The following CEBPZ variants were observed in gnomAD, a reference collection of about 807,000 sequenced individuals.
The protein encoded by CEBPZ is CCAAT enhancer binding protein zeta, also known as CCAAT/enhancer-binding protein zeta.
In CEBPZ, 78 loss-of-function variants were observed where a neutral mutation model predicts 104.5. The ratio of observed to expected loss-of-function variants is 0.75; its 90% CI spans 0.62 to 0.90. The LOEUF (loss-of-function observed/expected upper bound fraction) is 0.90. Ranked by LOEUF, CEBPZ falls within the 40% of genes least tolerant of loss-of-function variation. CEBPZ has a pLI of 0.00. For synonymous variants in CEBPZ, 470 were observed against 427.0 expected, an observed-to-expected ratio of 1.10 and a Z score of -1.24; for missense variants, 1,439 against 1,233.5, an observed-to-expected ratio of 1.17 and a Z score of -2.50.
intron 6 of CEBPZ, 31 bp downstream of exon 6, chr2:37,216,953 T>A: frequency 6.4e-7 from 1 of 1,560,092 alleles, no homozygotes; most frequent in Non-Finnish European, 8.8e-7. Flanking sequence ...TTTTTTCTTA[T>A]TTCTCATCTT....
chr2:37,231,332 G>T, intron 1 of CEBPZ, 80 bp downstream of exon 1: 1 of 1,597,820 alleles, frequency 6.3e-7, no homozygotes, highest in Non-Finnish European at 8.6e-7. Context: ...TACGCAGCGC[G>T]GAAGCGGCGG....
At chr2:37,219,259 C>A (rs1452456608) in intron 5 of CEBPZ, among the ~76,000 whole-genome samples, 2 of 152,178 alleles carry the variant, frequency 1.3e-5, no homozygotes, top group Admixed American at 1.3e-4. Flanking sequence ...CACGTGACAA[C>A]CTTCATGCTT....
At chr2:37,211,507 G>A (rs1677719582) in intron 12 of CEBPZ, 3 of 255,102 alleles carry the variant, frequency 1.2e-5, no homozygotes, top group Non-Finnish European at 2.2e-5. Flanking sequence ...CTTCATCTAT[G>A]CTGGGCTATG....
At chr2:37,221,373 G>A (rs185731221) in intron 4 of CEBPZ, among the ~76,000 whole-genome samples, 1 of 152,092 alleles carries the variant, frequency 6.6e-6, no homozygotes. Flanking sequence ...TTCCTAAATG[G>A]CAACAAAAGG....
rs1664944203 is a variant in CEBPZ at position 37,228,403 on chromosome 2, G to T, written c.790C>A (p.Gln264Lys). ...LIQDDAVHTLQFVETLVNLVK... is the reference protein window; with the variant it reads ...LIQDDAVHTLKFVETLVNLVK... ...AGGTTCACAAGAGTTTCTACAAACT[G>T]AAGTGTGTGAACGGCATCATCCTGA... Residue 264 changes from glutamine (Q) to lysine (K), a missense_variant, in exon 2 of 16, where the codon CAG becomes AAG. Gln to Lys is a moderately conservative substitution (Grantham distance 53). Coordinates refer to ENST00000234170, the MANE Select transcript of CEBPZ (RefSeq NM_005760.3). The T allele has an allele frequency of 6.2e-7, 1 of 1,614,220 alleles. No individual in the cohort carries two copies. The highest frequency in any genetic ancestry group is 8.5e-7 in the Non-Finnish European group (1 of 1,180,038).
At chr2:37,218,330 G>A (rs1664687886) in intron 5 of CEBPZ, among the ~76,000 whole-genome samples, 1 of 152,148 alleles carries the variant, frequency 6.6e-6, no homozygotes, top group Non-Finnish European at 1.5e-5. Flanking sequence ...TATATAGCGA[G>A]TAGTATTACT....
chr2:37,214,196 T>C (rs1558472185), intron 9 of CEBPZ, among the ~76,000 whole-genome samples: 1 of 152,204 alleles, frequency 6.6e-6, no homozygotes, highest in Non-Finnish European at 1.5e-5. Flanking sequence ...ATCAGCCCTA[T>C]TCTTATATTA....
At chr2:37,216,927 T>G in intron 6 of CEBPZ, 57 bp downstream of exon 6, 2 of 1,361,246 alleles carry the variant, frequency 1.5e-6, no homozygotes, top group South Asian at 1.2e-5. Flanking sequence ...AATTATTGAT[T>G]ATCTAAAATG....
intron 6 of CEBPZ, among the ~76,000 whole-genome samples, 158 bp downstream of exon 6, chr2:37,216,826 T>C (rs1677880217): frequency 6.6e-6 from 1 of 152,242 alleles, no homozygotes; most frequent in African/African-American, 2.4e-5. Context: ...GGAAAAGTTA[T>C]CTGCTACTCT....
chr2:37,210,534 CATTCTAT>C (rs1334378088), intron 13 of CEBPZ: 2 of 152,008 alleles, frequency 1.3e-5, no homozygotes, highest in African/African-American at 4.8e-5. Context: ...GAAAACCAAA[CATTCTAT>C]GTTCTCAGTT....
In CEBPZ at chr2:37,201,848, ATC is replaced by A. The variant is rs1284604973; in HGVS notation, c.3079_3080del (p.Asp1027CysfsTer12). The A allele has an allele frequency of 6.2e-7, 1 of 1,613,060 alleles. No individual in the cohort carries two copies. The highest frequency in any genetic ancestry group is 8.5e-7 in the Non-Finnish European group (1 of 1,179,328). On this transcript the variant is annotated frameshift_variant, in exon 16 of 16. Transcript: ENST00000234170. LOFTEE classifies it high-confidence loss of function. The stretch of plus-strand genomic sequence containing the variant: ...TCTTTTTCTTGATGATACTTTTTGC[ATC>A]TCTGTTGTGTAGCCAGTCATCACGT... ...AERDDWLHNR[D>X]AKSIIKKKKH...
intron 10 of CEBPZ, among the ~76,000 whole-genome samples, chr2:37,213,147 TAA>T (rs754880231): frequency 2.0e-5 from 3 of 152,206 alleles, no homozygotes; most frequent in East Asian, 1.9e-4. Flanking sequence ...TTAAGTCTAT[TAA>T]GTTTCAATCA....
chr2:37,202,164 A>G (rs1395693456), intron 15 of CEBPZ: 4 of 282,350 alleles, frequency 1.4e-5, no homozygotes, highest in Non-Finnish European at 2.6e-5. Context: ...TTACTGGTGA[A>G]ATAAAAACCA....
intron 2 of CEBPZ, among the ~76,000 whole-genome samples, chr2:37,224,742 T>C (rs1380312661): frequency 6.6e-6 from 1 of 152,230 alleles, no homozygotes; most frequent in Non-Finnish European, 1.5e-5. Context: ...CCAAATCATG[T>C]CATTTCTTTT....
rs763932863 is a variant in CEBPZ, at chr2:37,228,124, TATC to T, written c.1066_1068del (p.Asp356del). On this transcript the variant is annotated inframe_deletion, in exon 2 of 16. Coordinates refer to ENST00000234170, the MANE Select transcript of CEBPZ (RefSeq NM_005760.3). ...GCTCGAGTTTTAGTGGTTACTAATG[TATC>T]ATGACTTAAAGTTTCTAAGACCTGC... The T allele has an allele frequency of 6.2e-7, 1 of 1,614,236 alleles. No individual in the cohort carries two copies. The highest frequency in any genetic ancestry group is 1.3e-5 in the African/African-American group (1 of 75,058).
At chr2:37,217,901 CA>C (rs58344885) in intron 5 of CEBPZ, among the ~76,000 whole-genome samples, 8 of 139,352 alleles carry the variant, frequency 5.7e-5, no homozygotes, top group African/African-American at 8.0e-5. Flanking sequence ...GACTCTGTCT[CA>C]AAAAAAAAAA....
In CEBPZ at chr2:37,228,854, G is replaced by A. The variant is rs781747983; in HGVS notation, c.339C>T (p.Ser113=). 6.3e-7 allele frequency: 1 copy of A among 1,596,934 alleles called. No individual in the cohort carries two copies. Among genetic ancestry groups the A allele is most frequent in the East Asian group, 2.2e-5 (1 of 44,632 alleles). Residue 113 remains serine, a synonymous_variant, in exon 2 of 16, where the codon TCC becomes TCT. Coordinates refer to ENST00000234170, the MANE Select transcript of CEBPZ (RefSeq NM_005760.3). The part of the protein sequence containing the change: ...EEDEPAEKEN[S]SKKEVKIPKI... ...TAGGTATTTTTACTTCTTTTTTGCT[G>A]GAATTTTCTTTTTCAGCTGGTTCAT...
intron 8 of CEBPZ, 148 bp downstream of exon 8, chr2:37,215,992 T>G (rs1677857826): frequency 1.8e-6 from 1 of 570,456 alleles, no homozygotes; most frequent in South Asian, 3.3e-5. Flanking sequence ...ACAGTAGATT[T>G]AAGAATACCT....
At chr2:37,208,933 C>T (rs976690884) in intron 13 of CEBPZ, 4 of 151,846 alleles carry the variant, frequency 2.6e-5, no homozygotes, top group African/African-American at 9.7e-5. Flanking sequence ...TAAATAAATC[C>T]AGCAAAGTTT....
Sources: gnomAD v4.1 joint callset for allele counts (sites outside exome capture counted in the v4.1 genomes callset) on GRCh38, gnomAD v4.1.1 for gene constraint, MANE v1.5 for transcripts, NCBI Gene and HGNC (gene_info 2026-07-23, HGNC 2026-07-21) for gene names.